SLC38A2: variants seen among roughly 807,000 people sequenced by gnomAD.
The protein encoded by SLC38A2 is sodium-coupled neutral amino acid symporter 2.
SLC38A2 carries 11 observed loss-of-function variants against 61.5 expected under a neutral mutation model. The ratio of observed to expected loss-of-function variants is 0.18; its 90% CI spans 0.11 to 0.30. SLC38A2 has a LOEUF of 0.30. Among genes scored for constraint, SLC38A2 ranks in the 10% least tolerant of loss-of-function variants. SLC38A2 has a pLI of 1.00. For missense variants in SLC38A2, 522 were observed against 600.4 expected, an observed-to-expected ratio of 0.87 and a Z score of 1.36; for synonymous variants, 217 against 212.5, an observed-to-expected ratio of 1.02 and a Z score of -0.18.
At position 46,370,573 on chromosome 12, in the gene SLC38A2, C is replaced by T; in HGVS notation, c.253G>A (p.Val85Met). 1 of 1,614,166 alleles carries T rather than the reference C, an allele frequency of 6.2e-7. No homozygotes were observed. Among genetic ancestry groups the T allele is most frequent in the South Asian group, 1.1e-5 (1 of 91,080 alleles). The change falls in exon 4 of 16, where the codon GTG becomes ATG. Residue 85 changes from valine (V) to methionine (M), a missense_variant. Physicochemically the swap from Val to Met is conservative, Grantham distance 21. This residue lies in a region of SLC38A2 where 111 missense variants were observed against 173.4 expected (regional missense o/e 0.64). Transcript: ENST00000256689. ...GAAAGCCCAAGGATTCCACTGCCCA[C>T]AATCGCATTGCTCAGATTAAATACT... Reference protein sequence around the residue: ...MSVFNLSNAIVGSGILGLSYA... With the variant: ...MSVFNLSNAIMGSGILGLSYA...
chr12:46,361,130 G>T lies in SLC38A2; in HGVS notation c.1502C>A (p.Ala501Glu). Residue 501 changes from alanine to glutamate, a missense_variant, in exon 16 of 16, where the codon GCA becomes GAA. Ala to Glu is a moderately radical substitution (Grantham distance 107, BLOSUM62 -1). Around this residue, in one of 3 missense-constraint regions of SLC38A2, gnomAD observed 309 missense variants for 343.9 expected, o/e 0.90. Transcript: ENST00000256689. Reference sequence around the variant, plus strand: ...TGCCAATTAATGGCCACCTCCAGGTGCATTGTGTACCCAATCCAAAACAAT... The same window carrying T: ...TGCCAATTAATGGCCACCTCCAGGTTCATTGTGTACCCAATCCAAAACAAT... Reference protein sequence around the residue: ...ALIVLDWVHNAPGGGH With the variant: ...ALIVLDWVHNEPGGGH The T allele has an allele frequency of 1.9e-6, 3 of 1,613,358 alleles. No individual in the cohort carries two copies. The highest frequency in any genetic ancestry group is 2.5e-6 in the Non-Finnish European group (3 of 1,179,560).
In SLC38A2 at chr12:46,361,057, A is replaced by C. The variant is rs531046155; in HGVS notation, c.*54T>G. The C allele has an allele frequency of 1.5e-5, 20 of 1,353,674 alleles. No individual in the cohort carries two copies. Among genetic ancestry groups the C allele is most frequent in the Middle Eastern group, 3.6e-4 (2 of 5,528 alleles). The allele number at this position is 1,353,674 out of a possible 1,614,324, so 83.9% of individuals were successfully genotyped here. On this transcript the variant is annotated 3_prime_UTR_variant, in exon 16 of 16. Coordinates refer to ENST00000256689, the MANE Select transcript of SLC38A2 (RefSeq NM_018976.5). Reference sequence around the variant, plus strand: ...ATTAGGTGAAATTTCATAGTAGTTGAGTTTACTCAACACTGGCATCAGATG... The same window carrying C: ...ATTAGGTGAAATTTCATAGTAGTTGCGTTTACTCAACACTGGCATCAGATG...
chr12:46,370,683 C>G, intron 3 of SLC38A2, 56 bp from the exon 4 acceptor site: 1 of 1,555,446 alleles, frequency 6.4e-7, no homozygotes. Flanking sequence ...TGGAGAAAAC[C>G]AGCTTTGGGC....
chr12:46,371,028 TTAC>T (rs1943191040), intron 2 of SLC38A2, 147 bp downstream of exon 2: 2 of 846,942 alleles, frequency 2.4e-6, no homozygotes, highest in African/African-American at 3.4e-5. Flanking sequence ...TATCTTGTCA[TTAC>T]AACAAGATAA....
intron 15 of SLC38A2, 56 bp downstream of exon 15, chr12:46,362,228 A>C (rs955184778): frequency 4.4e-6 from 6 of 1,359,710 alleles, no homozygotes; most frequent in African/African-American, 1.5e-5. Context: ...AATTAAAATC[A>C]GTTGGGGAAA....
At chr12:46,371,918 G>A (rs1177327794) in intron 1 of SLC38A2, among the ~76,000 whole-genome samples, 1 of 152,200 alleles carries the variant, frequency 6.6e-6, no homozygotes, top group African/African-American at 2.4e-5. Flanking sequence ...CTCTCGAGGG[G>A]GGCGAACGCC....
At chr12:46,366,408 T>C (rs1270043757) in intron 7 of SLC38A2, among the ~76,000 whole-genome samples, 5 of 152,260 alleles carry the variant, frequency 3.3e-5, no homozygotes, top group African/African-American at 1.2e-4. Flanking sequence ...ATTTTCCACT[T>C]GTAGTGTCAT....
At chr12:46,363,688 G>A (rs763480450) in intron 12 of SLC38A2, 38 bp downstream of exon 12, 2 of 1,296,376 alleles carry the variant, frequency 1.5e-6, no homozygotes, top group East Asian at 4.8e-5. Context: ...GTTTTTTTTT[G>A]TTTTTGTTTT....
rs1363846938 is a variant in SLC38A2 at position 46,364,419 on chromosome 12, G to A, written c.843C>T (p.Cys281=). 3 of 1,600,506 alleles carry A rather than the reference G, an allele frequency of 1.9e-6. No homozygotes were observed. The South Asian group carries it at 3.4e-5, about 18-fold the overall frequency. ...AGTTGAAAATAAAATAGTGAGGTCT[G>A]CAAGAGTCATTTTCAGTCACGTTAT... The part of the protein sequence containing the change: ...LSHNVTENDS[C]RPHYFIFNSQ... Residue 281 remains cysteine (C), a synonymous_variant, in exon 10 of 16, where the codon TGC becomes TGT. Coordinates refer to ENST00000256689, the MANE Select transcript of SLC38A2 (RefSeq NM_018976.5).
Position 46,359,947 on chromosome 12 carries a change from G to A in SLC38A2, c.*1164C>T, listed in dbSNP as rs1943063129. On this transcript the variant is annotated 3_prime_UTR_variant, in exon 16 of 16. Transcript: ENST00000256689. ...AGAACTTATATCATATCAAACATAG[G>A]TGTAACCTGTGGATTAGACCTCTAC... is the stretch of plus-strand genomic sequence containing the variant. 1 of 152,642 alleles carries A rather than the reference G, an allele frequency of 6.6e-6. No individual in the cohort carries two copies. The highest frequency in any genetic ancestry group is 2.4e-5 in the African/African-American group (1 of 41,452). 9.5% of individuals were successfully genotyped at this position (152,642 alleles called of 1,614,324 possible).
intron 12 of SLC38A2, among the ~76,000 whole-genome samples, chr12:46,363,416 GTGTT>G (rs1943104957): frequency 6.6e-6 from 1 of 152,074 alleles, no homozygotes; most frequent in African/African-American, 2.4e-5. Flanking sequence ...CTTGCAATTT[GTGTT>G]TGTGTTACAT....
At chr12:46,371,428 G>A (rs1043325653) in intron 1 of SLC38A2, 49 bp from the exon 2 acceptor site, 36 of 690,638 alleles carry the variant, frequency 5.2e-5, no homozygotes, top group Non-Finnish European at 7.7e-5. Context: ...AGCCCGCCGC[G>A]GTCACGTGAC....
In SLC38A2 at chr12:46,360,994, G is replaced by A. The variant is rs758759430; in HGVS notation, c.*117C>T. ...TTATTCTGCACTCAGAAGAACCAGC[G>A]AGGAATCTGCACTTCAAAAGGAAGT... is the stretch of plus-strand genomic sequence containing the variant. On this transcript the variant is annotated 3_prime_UTR_variant, in exon 16 of 16. Coordinates refer to ENST00000256689, the MANE Select transcript of SLC38A2 (RefSeq NM_018976.5). 8.2e-6 allele frequency: 6 copies of A among 733,544 alleles called. No homozygotes were observed. Among genetic ancestry groups the A allele is most frequent in the Admixed American group, 3.0e-5 (1 of 33,192 alleles). 45.4% of individuals were successfully genotyped at this position (733,544 alleles called of 1,614,324 possible).
intron 8 of SLC38A2, 143 bp from the exon 9 acceptor site, chr12:46,364,845 A>G (rs1943123108): frequency 2.8e-6 from 2 of 715,270 alleles, no homozygotes; most frequent in Non-Finnish European, 4.6e-6. Context: ...TCTAATTCTT[A>G]TGATACTAAA....
intron 15 of SLC38A2, 21 bp downstream of exon 15, chr12:46,362,263 T>A: frequency 2.0e-6 from 3 of 1,534,608 alleles, no homozygotes; most frequent in Non-Finnish European, 2.7e-6. Context: ...ACTGTTTCTA[T>A]GGTTATAATC....
At position 46,362,273 on chromosome 12, in the gene SLC38A2, CT is replaced by C. The variant is rs1943089530; in HGVS notation, c.1422+10del. 1 of 1,584,424 alleles carries C rather than the reference CT, an allele frequency of 6.3e-7. No homozygotes were observed. The highest frequency in any genetic ancestry group is 8.6e-7 in the Non-Finnish European group (1 of 1,162,922). On this transcript the variant is annotated intron_variant, in intron 15 of 15. Transcript: ENST00000256689. ...TTATTACTGTTTCTATGGTTATAAT[CT>C]TTCACTCACCCCAATCTTTTGTACA... is the stretch of plus-strand genomic sequence containing the variant.
intron 8 of SLC38A2, 87 bp downstream of exon 8, chr12:46,365,020 T>C (rs907942194): frequency 2.4e-5 from 30 of 1,254,498 alleles, no homozygotes; most frequent in Middle Eastern, 3.7e-4. Flanking sequence ...CTAGGGCTTT[T>C]TCATTCTGAT....
chr12:46,366,383 C>A (rs144709516), intron 7 of SLC38A2, among the ~76,000 whole-genome samples: 27 of 152,108 alleles, frequency 1.8e-4, no homozygotes, highest in Middle Eastern at 3.4e-3. Context: ...ACACCTGTCA[C>A]GAGATCAGGT....
Position 46,362,649 on chromosome 12 carries a change from A to G in SLC38A2, c.1180-11T>C, listed in dbSNP as rs759640196. 8.4e-6 allele frequency: 13 copies of G among 1,556,022 alleles called. No individual in the cohort carries two copies. In the Admixed American group the frequency reaches 3.2e-4, roughly 38 times the overall value. On this transcript the variant is annotated splice_polypyrimidine_tract_variant and intron_variant, in intron 13 of 15. Coordinates refer to ENST00000256689, the MANE Select transcript of SLC38A2 (RefSeq NM_018976.5). ...TACAGAACTCCGGATCTGCAAAAAA[A>G]ATAAATAAAATGTATTTTAAAAATA...
Sources: gnomAD v4.1 joint callset for allele counts (sites outside exome capture counted in the v4.1 genomes callset) on GRCh38, gnomAD v4.1.1 for gene constraint, gnomAD v4.1.1 regional missense constraint, MANE v1.5 for transcripts, NCBI Gene and HGNC (gene_info 2026-07-23, HGNC 2026-07-21) for gene names.